NELL2: variants seen among roughly 807,000 people sequenced by gnomAD.
NELL2 encodes protein kinase C-binding protein NELL2.
In NELL2, 41 loss-of-function variants were observed where a neutral mutation model predicts 109.6. That is an observed-to-expected ratio of 0.37 (90% CI 0.29 to 0.49). The LOEUF is 0.49. Among genes scored for constraint, NELL2 ranks in the 20% least tolerant of loss-of-function variants. The probability of loss-of-function intolerance (pLI) is 0.98; values close to 1 mark genes in which losing one functional copy is unlikely to be tolerated. For missense variants in NELL2, 900 were observed against 1,008.3 expected, an observed-to-expected ratio of 0.89 and a Z score of 1.45; for synonymous variants, 355 against 344.7, an observed-to-expected ratio of 1.03 and a Z score of -0.33.
intron 17 of NELL2, 55 bp from the exon 18 acceptor site, chr12:44,522,231 G>GCACA (rs753824569): frequency 2.8e-6 from 4 of 1,416,518 alleles, no homozygotes; most frequent in Admixed American, 3.7e-5. Context: ...TCAGTAACAC[G>GCACA]CACACACACA....
chr12:44,827,912 A>T (rs1943767330), intron 2 of NELL2, among the ~76,000 whole-genome samples: 1 of 152,168 alleles, frequency 6.6e-6, no homozygotes, highest in Non-Finnish European at 1.5e-5. Context: ...TGGATGTACT[A>T]ATTTGCATTC....
chr12:44,602,162 C>A (rs1945245856), intron 15 of NELL2, among the ~76,000 whole-genome samples: 1 of 152,172 alleles, frequency 6.6e-6, no homozygotes, highest in Non-Finnish European at 1.5e-5. Context: ...CTAATTCACA[C>A]AAAGTTCATT....
chr12:44,776,203 A>G, intron 7 of NELL2, 53 bp from the exon 8 acceptor site: 1 of 1,597,808 alleles, frequency 6.3e-7, no homozygotes, highest in Admixed American at 1.8e-5. Context: ...GCAACACAGA[A>G]ATGTGAAACA....
At chr12:44,809,077 T>C (rs561617211) in intron 3 of NELL2, among the ~76,000 whole-genome samples, 2 of 152,040 alleles carry the variant, frequency 1.3e-5, no homozygotes, top group African/African-American at 2.4e-5. Context: ...ATATCTAAAG[T>C]CCAAGATTAT....
At chr12:44,808,458 C>T (rs1943074281) in intron 3 of NELL2, among the ~76,000 whole-genome samples, 1 of 151,792 alleles carries the variant, frequency 6.6e-6, no homozygotes, top group Non-Finnish European at 1.5e-5. Flanking sequence ...AAATACACAA[C>T]AGAGATGTAA....
chr12:44,616,548 C>T (rs1945828602), intron 13 of NELL2, among the ~76,000 whole-genome samples: 1 of 152,028 alleles, frequency 6.6e-6, no homozygotes, highest in South Asian at 2.1e-4. Context: ...AGTCTTGGAG[C>T]AGAGAAGCCC....
chr12:44,824,750 G>A lies in NELL2; in HGVS notation c.185-8614C>T, dbSNP rs866381189. On this transcript the variant is annotated intron_variant, in intron 2 of 19. Coordinates refer to ENST00000429094, the MANE Select transcript of NELL2 (RefSeq NM_001145108.2). The stretch of plus-strand genomic sequence containing the variant: ...TTTTGAGACAGAGTCTCACTCTGTC[G>A]CCCAGGCAGGAGTGCAACGGCATGA... Among the ~76,000 whole-genome samples the A allele has an allele frequency of 2.5e-4, 35 of 138,256 alleles. No individual in the cohort carries two copies. The Middle Eastern group carries it at 0.012, about 47-fold the overall frequency. The allele number at this position is 138,256 out of a possible 152,430, so 90.7% of individuals were successfully genotyped here. A position where few individuals can be genotyped will look rare whatever the true frequency, so the allele number is the denominator to read the frequency against.
intron 9 of NELL2, among the ~76,000 whole-genome samples, chr12:44,731,636 C>A (rs972330026): frequency 6.6e-6 from 1 of 152,084 alleles, no homozygotes; most frequent in Non-Finnish European, 1.5e-5. Context: ...CCATAGCTAA[C>A]ATTATACTCA....
At chr12:44,756,414 A>G (rs1246505146) in intron 9 of NELL2, among the ~76,000 whole-genome samples, 2 of 152,040 alleles carry the variant, frequency 1.3e-5, no homozygotes, top group Non-Finnish European at 2.9e-5. Context: ...TAAAAAATTA[A>G]AAAAATTCCT....
chr12:44,836,823 A>AT (rs1327970112), intron 2 of NELL2, among the ~76,000 whole-genome samples: 2 of 152,244 alleles, frequency 1.3e-5, no homozygotes, highest in East Asian at 3.8e-4. Flanking sequence ...CTTTTGAAAT[A>AT]TAACTATAGA....
intron 9 of NELL2, among the ~76,000 whole-genome samples, chr12:44,742,336 T>C (rs936242145): frequency 1.3e-5 from 2 of 151,658 alleles, no homozygotes; most frequent in Admixed American, 6.6e-5. Flanking sequence ...AGACCAAAGG[T>C]AGATAAAACC....
At position 44,755,105 on chromosome 12, in the gene NELL2, T is replaced by C. The variant is rs1940825242; in HGVS notation, c.994+19642A>G. 2.0e-5 allele frequency among the ~76,000 whole-genome samples: 3 copies of C among 152,336 alleles called. No homozygotes were observed. The South Asian group carries it at 6.2e-4, about 32-fold the overall frequency. On this transcript the variant is annotated intron_variant, in intron 9 of 19. Coordinates refer to ENST00000429094, the MANE Select transcript of NELL2 (RefSeq NM_001145108.2). The stretch of plus-strand genomic sequence containing the variant: ...AAACTCACTCAGTTCTCTGGAATTC[T>C]AATTCTACCCTTTGCATAGCTTCAA...
chr12:44,793,946 C>T (rs943846604), intron 3 of NELL2, among the ~76,000 whole-genome samples: 3 of 152,142 alleles, frequency 2.0e-5, no homozygotes, highest in African/African-American at 7.2e-5. Flanking sequence ...ATAATGAACA[C>T]TGGGCATACT....
chr12:44,786,140 G>A (rs1015149009), intron 3 of NELL2, among the ~76,000 whole-genome samples: 1 of 152,010 alleles, frequency 6.6e-6, no homozygotes, highest in African/African-American at 2.4e-5. Flanking sequence ...CTGACAAAGG[G>A]CTAATATCCA....
intron 11 of NELL2, 47 bp downstream of exon 11, chr12:44,711,245 C>G: frequency 7.4e-7 from 1 of 1,354,574 alleles, no homozygotes; most frequent in Non-Finnish European, 1.1e-6. Context: ...TACTAGCCTA[C>G]TATAATAACT....
intron 13 of NELL2, among the ~76,000 whole-genome samples, chr12:44,665,191 T>G (rs1947880838): frequency 6.6e-6 from 1 of 152,144 alleles, no homozygotes; most frequent in South Asian, 2.1e-4. Context: ...TTTCTCAGAT[T>G]GACCATAGTA....
intron 13 of NELL2, among the ~76,000 whole-genome samples, chr12:44,654,792 G>A (rs1947436707): frequency 6.6e-6 from 1 of 152,136 alleles, no homozygotes; most frequent in African/African-American, 2.4e-5. Flanking sequence ...AGAGCAGCGA[G>A]GCGAGGCAAT....
chr12:44,863,985 G>C (rs1333859185), intron 2 of NELL2, among the ~76,000 whole-genome samples: 1 of 152,066 alleles, frequency 6.6e-6, no homozygotes, highest in East Asian at 1.9e-4. Context: ...TTGTTATCAG[G>C]TTAAAATAGC....
At chr12:44,767,143 T>C (rs1213224603) in intron 9 of NELL2, among the ~76,000 whole-genome samples, 1 of 152,176 alleles carries the variant, frequency 6.6e-6, no homozygotes, top group Non-Finnish European at 1.5e-5. Flanking sequence ...TCTTATGCCA[T>C]CTGTGGAATT....
Sources: allele counts gnomAD v4.1 joint callset (sites outside exome capture counted in the v4.1 genomes callset), GRCh38; gene constraint gnomAD v4.1.1; transcripts MANE v1.5; gene names NCBI Gene and HGNC (gene_info 2026-07-23, HGNC 2026-07-21).